The following KDM7A variants were observed in gnomAD, a reference collection of about 807,000 sequenced individuals.
The protein encoded by KDM7A is lysine-specific demethylase 7A.
KDM7A carries 28 observed loss-of-function variants against 114.8 expected under a neutral mutation model. The ratio of observed to expected loss-of-function variants is 0.24; its 90% CI spans 0.18 to 0.33. KDM7A has a LOEUF of 0.33. KDM7A is among the 10% of genes least tolerant of loss of function. KDM7A has a pLI of 1.00. For synonymous variants in KDM7A, 423 were observed against 397.8 expected, an observed-to-expected ratio of 1.06 and a Z score of -0.75; for missense variants, 942 against 1,142.5, an observed-to-expected ratio of 0.82 and a Z score of 2.53.
At position 140,086,789 on chromosome 7, in the gene KDM7A, ACT is replaced by A. The variant is rs1227330218; in HGVS notation, c.*4303_*4304del. 1.3e-5 allele frequency: 2 copies of A among 151,990 alleles called. No homozygotes were observed. The highest frequency in any genetic ancestry group is 2.9e-5 in the Non-Finnish European group (2 of 68,010). 9.4% of individuals were successfully genotyped at this position (151,990 alleles called of 1,614,324 possible). A position where few individuals can be genotyped will look rare whatever the true frequency, so the allele number is the denominator to read the frequency against. On this transcript the variant is annotated 3_prime_UTR_variant, in exon 20 of 20. Coordinates refer to ENST00000397560, the MANE Select transcript of KDM7A (RefSeq NM_030647.2). ...TGTGTCTCCTTTATTTACCAGCGAC[ACT>A]CTGTCTAGGCTAAAGATCTGATGAT...
At chr7:140,119,287 T>C (rs1376356218) in intron 8 of KDM7A, 68 bp from the exon 9 acceptor site, 2 of 847,860 alleles carry the variant, frequency 2.4e-6, no homozygotes, top group Non-Finnish European at 3.7e-6. Flanking sequence ...AGTAACCAAC[T>C]GGAAAATAAA....
intron 12 of KDM7A, 44 bp downstream of exon 12, chr7:140,101,907 G>C: frequency 7.6e-7 from 1 of 1,313,418 alleles, no homozygotes; most frequent in Non-Finnish European, 1.1e-6. Flanking sequence ...AGACTTTAAG[G>C]AACAGCCAAG....
At chr7:140,094,303 G>A (rs1033204548) in intron 17 of KDM7A, among the ~76,000 whole-genome samples, 165 bp from the exon 18 acceptor site, 5 of 152,178 alleles carry the variant, frequency 3.3e-5, no homozygotes, top group South Asian at 2.1e-4. Context: ...TCAGGAGTTC[G>A]AGACCAGCCT....
Position 140,103,435 on chromosome 7 carries a change from G to A in KDM7A, c.1429-1275C>T, listed in dbSNP as rs978299828. Among the ~76,000 whole-genome samples, 6 of 149,372 alleles carry A rather than the reference G, an allele frequency of 4.0e-5. No homozygotes were observed. In the Admixed American group the frequency reaches 4.0e-4, roughly 10 times the overall value. Reference sequence around the variant, plus strand: ...CCCATTAACTTGTCATTTACATTAGGATTTCTCCTAATGTTATCCCTCCCC... The same window carrying A: ...CCCATTAACTTGTCATTTACATTAGAATTTCTCCTAATGTTATCCCTCCCC... On this transcript the variant is annotated intron_variant, in intron 11 of 19. Transcript: ENST00000397560.
intron 2 of KDM7A, among the ~76,000 whole-genome samples, chr7:140,138,901 T>G (rs953312598): frequency 2.0e-5 from 3 of 152,222 alleles, no homozygotes; most frequent in Admixed American, 1.3e-4. Flanking sequence ...CAATTAAGAC[T>G]GACAGTACAT....
At chr7:140,116,451 AACACAGGT>A (rs1336876631) in intron 9 of KDM7A, among the ~76,000 whole-genome samples, 13 of 152,230 alleles carry the variant, frequency 8.5e-5, no homozygotes, top group African/African-American at 2.9e-4. Context: ...TTTAGTTTAT[AACACAGGT>A]GATAAAACTG....
intron 1 of KDM7A, among the ~76,000 whole-genome samples, chr7:140,163,044 G>C (rs1794537698): frequency 6.6e-6 from 1 of 150,974 alleles, no homozygotes; most frequent in Admixed American, 6.6e-5. Context: ...ACCCAGGCTG[G>C]AGTGCAGTGG....
At chr7:140,171,814 T>G (rs189536335) in intron 1 of KDM7A, among the ~76,000 whole-genome samples, 133 of 151,914 alleles carry the variant, frequency 8.8e-4, no homozygotes, top group Middle Eastern at 6.8e-3. Context: ...GTGTTCAACT[T>G]TATTATGTGT....
intron 1 of KDM7A, among the ~76,000 whole-genome samples, chr7:140,147,323 C>G (rs530052759): frequency 2.0e-5 from 3 of 152,196 alleles, no homozygotes; most frequent in Admixed American, 6.5e-5. Flanking sequence ...TACTTGAAAA[C>G]TAATATATTG....
intron 9 of KDM7A, 68 bp from the exon 10 acceptor site, chr7:140,113,650 T>G: frequency 2.6e-6 from 2 of 782,094 alleles, no homozygotes; most frequent in Non-Finnish European, 4.3e-6. Context: ...GGGATTAACT[T>G]CAGATTTTGA....
chr7:140,161,515 CT>C (rs990607498), intron 1 of KDM7A, among the ~76,000 whole-genome samples: 5 of 151,792 alleles, frequency 3.3e-5, no homozygotes, highest in African/African-American at 1.2e-4. Context: ...ATTTTATTTT[CT>C]TTTTTAGTTT....
chr7:140,121,994 C>A (rs1321929588), intron 7 of KDM7A, among the ~76,000 whole-genome samples: 1 of 152,158 alleles, frequency 6.6e-6, no homozygotes, highest in African/African-American at 2.4e-5. Flanking sequence ...CCTGAATCAG[C>A]CAATAACTTG....
chr7:140,174,625 G>A (rs969213252), intron 1 of KDM7A, among the ~76,000 whole-genome samples: 6 of 151,500 alleles, frequency 4.0e-5, no homozygotes, highest in South Asian at 2.1e-4. Context: ...TTTTTGAGAC[G>A]GAGTCTCACT....
At chr7:140,142,133 A>G (rs1039629910) in intron 1 of KDM7A, among the ~76,000 whole-genome samples, 6 of 149,814 alleles carry the variant, frequency 4.0e-5, no homozygotes, top group Non-Finnish European at 8.9e-5. Context: ...AATGTATTCC[A>G]AAGTAGATGA....
At position 140,176,862 on chromosome 7, in the gene KDM7A, G is replaced by A. The variant is rs776658442; in HGVS notation, c.76C>T (p.Pro26Ser). The A allele has an allele frequency of 7.8e-7, 1 of 1,279,774 alleles. No homozygotes were observed. The highest frequency in any genetic ancestry group is 1.0e-6 in the Non-Finnish European group (1 of 999,492). The allele number at this position is 1,279,774 out of a possible 1,614,324, so 79.3% of individuals were successfully genotyped here. ...AAAAAVSVAAPGRASAPPPPP... is the reference protein window; with the variant it reads ...AAAAAVSVAASGRASAPPPPP... ...GGCGGAGGCGCCGAGGCCCGGCCGG[G>A]AGCCGCCACCGACACGGCTGCCGCG... The change falls in exon 1 of 20, where the codon CCC (proline) becomes TCC (serine). Residue 26 changes from proline to serine, a missense_variant. Coordinates refer to ENST00000397560, the MANE Select transcript of KDM7A (RefSeq NM_030647.2). The surrounding 1 kb of genome is among the most constrained non-coding windows in gnomAD (Gnocchi z 4.4).
At chr7:140,110,135 A>G (rs1316699759) in intron 11 of KDM7A, among the ~76,000 whole-genome samples, 3 of 87,562 alleles carry the variant, frequency 3.4e-5, no homozygotes, top group Non-Finnish European at 6.4e-5. Flanking sequence ...GCTGACTGAC[A>G]CTCCCATTTA....
chr7:140,114,737 G>A (rs541566799), intron 9 of KDM7A, among the ~76,000 whole-genome samples: 1,740 of 151,338 alleles, frequency 0.011, 34 homozygotes, highest in African/African-American at 0.04. Flanking sequence ...GTCTCTGCCC[G>A]GCCGCCCATC....
chr7:140,109,660 A>G (rs559643318), intron 11 of KDM7A, among the ~76,000 whole-genome samples: 1 of 152,310 alleles, frequency 6.6e-6, no homozygotes, highest in Admixed American at 6.5e-5. Context: ...TTACAAAATG[A>G]TATGTTTATA....
intron 12 of KDM7A, among the ~76,000 whole-genome samples, chr7:140,100,742 ACATATATATT>A (rs1818209735): frequency 2.5e-5 from 1 of 40,562 alleles, no homozygotes; most frequent in African/African-American, 1.3e-4. Flanking sequence ...ATATATATAT[ACATATATATT>A]TTTTTGTTTG....
Sources: gnomAD v4.1 joint callset for allele counts (sites outside exome capture counted in the v4.1 genomes callset) on GRCh38, gnomAD v4.1.1 for gene constraint, Gnocchi (gnomAD v3.1) non-coding constraint, MANE v1.5 for transcripts, NCBI Gene and HGNC (gene_info 2026-07-23, HGNC 2026-07-21) for gene names.